The following NEB variants were observed in gnomAD, a reference collection of about 807,000 sequenced individuals.
NEB encodes nebulin.
Under a neutral mutation model 952.2 loss-of-function variants are expected in NEB, and 512 were observed. That is an observed-to-expected ratio of 0.54 (90% CI 0.50 to 0.58). The LOEUF (loss-of-function observed/expected upper bound fraction) is 0.58. NEB is among the 20% of genes least tolerant of loss of function. The pLI is 0.00. For synonymous variants in NEB, 2,900 were observed against 3,149.8 expected, an observed-to-expected ratio of 0.92 and a Z score of 2.66; for missense variants, 8,428 against 9,231.1, an observed-to-expected ratio of 0.91 and a Z score of 3.56.
intron 160 of NEB, among the ~76,000 whole-genome samples, chr2:151,513,323 A>G (rs892767721): frequency 2.6e-5 from 4 of 152,164 alleles, no homozygotes; most frequent in African/African-American, 9.7e-5. Flanking sequence ...CCAGCTCCAA[A>G]CAGCTACTTA....
chr2:151,491,510 T>TA (rs2056628327), intron 179 of NEB, 173 bp downstream of exon 179: 1 of 556,590 alleles, frequency 1.8e-6, no homozygotes, highest in South Asian at 2.3e-5. Context: ...AACTTGAACT[T>TA]ATCTAGAAAG....
rs78149441 is a variant in NEB, at chr2:151,688,727, A to T, written c.2311-331T>A. Among the ~76,000 whole-genome samples the T allele has an allele frequency of 3.2e-3, 477 of 149,344 alleles. 2 individuals are homozygous for T. Among genetic ancestry groups the T allele is most frequent in the Non-Finnish European group, 4.8e-3 (326 of 68,000 alleles). On this transcript the variant is annotated intron_variant, in intron 24 of 181. Coordinates refer to ENST00000397345, the MANE Select transcript of NEB (RefSeq NM_001164508.2). ...TATATATTAGGCACAGTAAGAGATT[A>T]ACAACAATAACTAATAAATAGAAAA...
At chr2:151,636,920 C>T (rs1560786883) in intron 63 of NEB, among the ~76,000 whole-genome samples, 3 of 152,052 alleles carry the variant, frequency 2.0e-5, no homozygotes, top group Admixed American at 2.0e-4. Context: ...AACAATAAAT[C>T]CAGTTTAAAA....
chr2:151,578,852 C>T (rs867161447), intron 105 of NEB, among the ~76,000 whole-genome samples: 3 of 151,852 alleles, frequency 2.0e-5, no homozygotes, highest in South Asian at 2.1e-4. Flanking sequence ...AAGGCTGAGA[C>T]GGGTGGATCA....
intron 175 of NEB, 99 bp from the exon 176 acceptor site, chr2:151,493,544 A>G: frequency 1.3e-6 from 1 of 789,336 alleles, no homozygotes; most frequent in Non-Finnish European, 2.0e-6. Context: ...TGGCTCAGTT[A>G]TATCACACTG....
chr2:151,578,576 G>A (rs573679607), intron 105 of NEB, among the ~76,000 whole-genome samples: 4 of 151,716 alleles, frequency 2.6e-5, no homozygotes, highest in Admixed American at 1.3e-4. Context: ...CAGAAGAATC[G>A]CTTGAACCCG....
At chr2:151,710,601 A>G (rs955901360) in intron 10 of NEB, 63 bp from the exon 11 acceptor site, 2 of 967,790 alleles carry the variant, frequency 2.1e-6, no homozygotes, top group Admixed American at 4.5e-5. Context: ...AAGACAGCAA[A>G]TTAAGAAATA....
At chr2:151,610,722 A>G in intron 79 of NEB, 40 bp downstream of exon 79, 1 of 1,590,004 alleles carries the variant, frequency 6.3e-7, no homozygotes, top group South Asian at 1.1e-5. Flanking sequence ...AAGCATTTTA[A>G]TTAATCTTAG....
intron 41 of NEB, 111 bp downstream of exon 41, chr2:151,665,979 A>G (rs1042201197): frequency 1.8e-6 from 2 of 1,138,720 alleles, no homozygotes; most frequent in African/African-American, 1.6e-5. Context: ...TGAGTTCTGG[A>G]GGGAATCCTT....
At chr2:151,500,113 A>C (rs1432805319) in intron 168 of NEB, among the ~76,000 whole-genome samples, 2 of 152,226 alleles carry the variant, frequency 1.3e-5, no homozygotes, top group Non-Finnish European at 2.9e-5. Context: ...CACAGGGAAA[A>C]CAATGAGTAT....
Position 151,617,478 on chromosome 2 carries a change from A to G in NEB, c.11077-10T>C, listed in dbSNP as rs761854184. ...CTTCAGTATATAAGCGCTACAAAAA[A>G]AAAAAAAAAAGAGAGAGAGAGAGAG... On this transcript the variant is annotated splice_polypyrimidine_tract_variant and intron_variant, in intron 74 of 181. Transcript: ENST00000397345. 5.6e-6 allele frequency: 8 copies of G among 1,430,554 alleles called. No individual in the cohort carries two copies. The highest frequency in any genetic ancestry group is 7.5e-6 in the Non-Finnish European group (8 of 1,065,690). 88.6% of individuals were successfully genotyped at this position (1,430,554 alleles called of 1,614,324 possible).
In NEB at chr2:151,727,837, G is replaced by T; in HGVS notation, c.148C>A (p.Pro50Thr). ...SDYEQSETSK[P>T]ALAQPALAQP... ...GCCAGTGCTGGCTGTGCCAGAGCTGGTTTGGAAGTTTCTGATTGCTCATAG... is the reference window on the plus strand; with the variant it reads ...GCCAGTGCTGGCTGTGCCAGAGCTGTTTTGGAAGTTTCTGATTGCTCATAG... Residue 50 changes from proline to threonine, a missense_variant, in exon 5 of 182, where the codon CCA becomes ACA. Around this residue, in one of 11 missense-constraint regions of NEB, gnomAD observed 2,851 missense variants for 2,791.5 expected, o/e 1.02. Coordinates refer to ENST00000397345, the MANE Select transcript of NEB (RefSeq NM_001164508.2). The T allele has an allele frequency of 1.2e-6, 2 of 1,613,748 alleles. No homozygotes were observed. The highest frequency in any genetic ancestry group is 1.7e-6 in the Non-Finnish European group (2 of 1,179,794).
In NEB at chr2:151,546,364, CG is replaced by C. The variant is rs1559767662; in HGVS notation, c.20446del (p.Arg6816GlyfsTer38). ...LYDTPDMVRS[R>X]HLRKLWSNYL... ...ACTCACCCAGAGCTTCCGCAGGTGCCGGGAGCGGACCATGTCAGGAGTGTCA... is the reference window on the plus strand; with the variant it reads ...ACTCACCCAGAGCTTCCGCAGGTGCCGGAGCGGACCATGTCAGGAGTGTCA... On this transcript the variant is annotated frameshift_variant, in exon 134 of 182. Transcript: ENST00000397345. LOFTEE classifies it high-confidence loss of function. 6.2e-7 allele frequency: 1 copy of C among 1,612,460 alleles called. No homozygotes were observed.
intron 9 of NEB, among the ~76,000 whole-genome samples, chr2:151,717,925 C>T (rs1052454534): frequency 4.7e-5 from 7 of 150,400 alleles, no homozygotes; most frequent in Non-Finnish European, 1.0e-4. Context: ...GCGATCTCGG[C>T]TCACTGCAAG....
chr2:151,652,763 C>T (rs1397377150), intron 52 of NEB, among the ~76,000 whole-genome samples: 1 of 152,094 alleles, frequency 6.6e-6, no homozygotes, highest in Non-Finnish European at 1.5e-5. Context: ...ACTTATAGTT[C>T]ATTTGAGAGT....
intron 10 of NEB, 21 bp from the exon 11 acceptor site, chr2:151,710,559 A>G (rs2099741854): frequency 6.8e-7 from 1 of 1,464,486 alleles, no homozygotes; most frequent in Admixed American, 1.7e-5. Flanking sequence ...GAAAAAGAAA[A>G]TAAGACAAGC....
intron 172 of NEB, 75 bp downstream of exon 172, chr2:151,496,866 T>TAATA (rs1389938146): frequency 1.4e-6 from 2 of 1,412,918 alleles, no homozygotes; most frequent in Non-Finnish European, 9.7e-7. Context: ...AAAATAGGAT[T>TAATA]AATATGTATT....
chr2:151,603,490 A>AGT, intron 86 of NEB, 79 bp downstream of exon 86: 1 of 1,283,944 alleles, frequency 7.8e-7, no homozygotes, highest in South Asian at 1.3e-5. Context: ...TGACATGAAG[A>AGT]GTCTAAAGTT....
At chr2:151,508,802 T>G (rs1041578516) in intron 161 of NEB, among the ~76,000 whole-genome samples, 2 of 152,268 alleles carry the variant, frequency 1.3e-5, no homozygotes, top group Non-Finnish European at 2.9e-5. Context: ...TCCCCTGTCC[T>G]GCCCCAGCCT....
Sources: gnomAD v4.1 joint callset for allele counts (sites outside exome capture counted in the v4.1 genomes callset) on GRCh38, gnomAD v4.1.1 for gene constraint, gnomAD v4.1.1 regional missense constraint, MANE v1.5 for transcripts, NCBI Gene and HGNC (gene_info 2026-07-23, HGNC 2026-07-21) for gene names.